PLEKHA7: variants seen among roughly 807,000 people sequenced by gnomAD.
PLEKHA7 encodes the protein pleckstrin homology domain-containing family A member 7.
Under a neutral mutation model 170.0 loss-of-function variants are expected in PLEKHA7, and 104 were observed. The ratio of observed to expected loss-of-function variants is 0.61; its 90% CI spans 0.52 to 0.72. The LOEUF is 0.72. Ranked by LOEUF, PLEKHA7 falls within the 30% of genes least tolerant of loss-of-function variation. The pLI is 0.00. For synonymous variants in PLEKHA7, 648 were observed against 660.8 expected, an observed-to-expected ratio of 0.98 and a Z score of 0.30; for missense variants, 1,615 against 1,671.7, an observed-to-expected ratio of 0.97 and a Z score of 0.59.
At chr11:16,932,500 G>A (rs941145908) in intron 3 of PLEKHA7, among the ~76,000 whole-genome samples, 12 of 152,016 alleles carry the variant, frequency 7.9e-5, no homozygotes. Flanking sequence ...GCCCAGGCTG[G>A]TCTTGAATTC....
chr11:16,854,708 G>C (rs1472699455), intron 6 of PLEKHA7, among the ~76,000 whole-genome samples, 181 bp downstream of exon 6: 1 of 152,206 alleles, frequency 6.6e-6, no homozygotes, highest in Non-Finnish European at 1.5e-5. Flanking sequence ...CCATTGAGCA[G>C]ACAGTCCACT....
intron 3 of PLEKHA7, among the ~76,000 whole-genome samples, chr11:17,009,618 G>A (rs753057568): frequency 7.2e-6 from 1 of 138,874 alleles, no homozygotes; most frequent in South Asian, 2.5e-4. Context: ...AGTACAAAAA[G>A]TCTTCGTTTT....
At chr11:16,906,923 G>A (rs1401930249) in intron 3 of PLEKHA7, among the ~76,000 whole-genome samples, 3 of 145,192 alleles carry the variant, frequency 2.1e-5, no homozygotes, top group Admixed American at 1.4e-4. Flanking sequence ...TGTGGGGAGC[G>A]CCTCTGCCCT....
At chr11:16,996,764 G>A (rs966254124) in intron 3 of PLEKHA7, among the ~76,000 whole-genome samples, 17 of 152,066 alleles carry the variant, frequency 1.1e-4, no homozygotes, top group African/African-American at 3.6e-4. Flanking sequence ...GTGAAACCCC[G>A]TCTCTACTAA....
At chr11:16,952,904 T>C (rs1032693250) in intron 3 of PLEKHA7, among the ~76,000 whole-genome samples, 6 of 152,244 alleles carry the variant, frequency 3.9e-5, no homozygotes, top group African/African-American at 1.4e-4. Context: ...CAAAGCTTTT[T>C]CATGAATTAA....
At chr11:16,812,158 C>T (rs988241167) in intron 13 of PLEKHA7, among the ~76,000 whole-genome samples, 1 of 152,234 alleles carries the variant, frequency 6.6e-6, no homozygotes, top group African/African-American at 2.4e-5. Flanking sequence ...GGTAACACAG[C>T]AAGTGTTCAA....
Position 16,778,608 on chromosome 11 carries a change from GC to G in PLEKHA7, c.*389del, listed in dbSNP as rs1256236117. 1.1e-5 allele frequency: 3 copies of G among 267,458 alleles called. No homozygotes were observed. The highest frequency in any genetic ancestry group is 6.6e-5 in the African/African-American group (3 of 45,666). The allele number at this position is 267,458 out of a possible 1,614,324, so 16.6% of individuals were successfully genotyped here. A position where few individuals can be genotyped will look rare whatever the true frequency, so the allele number is the denominator to read the frequency against. ...TTGGAAGTTGGACTAGCCTCGGCTT[GC>G]CCCGCCCTTCCTGCCCCCACAACAC... On this transcript the variant is annotated 3_prime_UTR_variant, in exon 27 of 27. Coordinates refer to ENST00000531066, the MANE Select transcript of PLEKHA7 (RefSeq NM_001329630.2).
At chr11:17,008,665 G>T (rs1218503369) in intron 3 of PLEKHA7, among the ~76,000 whole-genome samples, 3 of 152,258 alleles carry the variant, frequency 2.0e-5, no homozygotes. Context: ...CCCTGGGCTG[G>T]GTGCCTAAGT....
At chr11:17,009,325 A>C (rs555574517) in intron 3 of PLEKHA7, among the ~76,000 whole-genome samples, 1 of 152,276 alleles carries the variant, frequency 6.6e-6, no homozygotes, top group Middle Eastern at 3.4e-3. Flanking sequence ...ATAAGAAAAG[A>C]CACAAGAAAA....
chr11:16,846,090 GC>G (rs1852383475), intron 8 of PLEKHA7, among the ~76,000 whole-genome samples: 1 of 152,068 alleles, frequency 6.6e-6, no homozygotes, highest in African/African-American at 2.4e-5. Flanking sequence ...TTTGAGACAA[GC>G]CTGGCCAACA....
chr11:16,964,255 A>G (rs1862236798), intron 3 of PLEKHA7, among the ~76,000 whole-genome samples: 1 of 152,222 alleles, frequency 6.6e-6, no homozygotes, highest in Admixed American at 6.5e-5. Context: ...GTTGGCTACC[A>G]TGAATAATGC....
intron 3 of PLEKHA7, among the ~76,000 whole-genome samples, chr11:16,950,953 A>G (rs908950190): frequency 3.3e-5 from 5 of 152,204 alleles, no homozygotes; most frequent in African/African-American, 1.2e-4. Context: ...TGCACTGTGT[A>G]GAAAGCATCC....
At chr11:16,784,785 A>T (rs1025937823) in intron 24 of PLEKHA7, among the ~76,000 whole-genome samples, 2 of 152,242 alleles carry the variant, frequency 1.3e-5, no homozygotes, top group African/African-American at 4.8e-5. Flanking sequence ...ATGGCAAGAA[A>T]TAAGCTCTTC....
chr11:16,839,101 CA>C (rs1159970356), intron 9 of PLEKHA7, among the ~76,000 whole-genome samples: 2 of 152,008 alleles, frequency 1.3e-5, no homozygotes, highest in African/African-American at 4.8e-5. Flanking sequence ...AAGGTTAATA[CA>C]AAAATTTTAA....
chr11:17,010,882 GAGAACAATTACTCCCAAA>G (rs750980335), intron 3 of PLEKHA7, among the ~76,000 whole-genome samples: 69 of 152,280 alleles, frequency 4.5e-4, no homozygotes, highest in Non-Finnish European at 7.6e-4. Context: ...GGATGAGGGA[GAGAACAATTACTCCCAAA>G]ACCCTTAAGT....
chr11:16,941,286 T>C (rs764584099), intron 3 of PLEKHA7, among the ~76,000 whole-genome samples: 1 of 152,216 alleles, frequency 6.6e-6, no homozygotes, highest in Non-Finnish European at 1.5e-5. Flanking sequence ...ATAATATCCC[T>C]GCTGACTGGT....
intron 9 of PLEKHA7, among the ~76,000 whole-genome samples, chr11:16,840,503 T>C (rs1851865921): frequency 6.6e-6 from 1 of 152,128 alleles, no homozygotes; most frequent in Non-Finnish European, 1.5e-5. Flanking sequence ...GAGGTTGCAG[T>C]GAGCCAAGAT....
intron 3 of PLEKHA7, among the ~76,000 whole-genome samples, chr11:17,008,930 T>C (rs1216561838): frequency 1.3e-5 from 2 of 152,232 alleles, no homozygotes; most frequent in Non-Finnish European, 2.9e-5. Flanking sequence ...TGCCAAATTG[T>C]ATTTACTAAT....
chr11:16,912,914 G>A (rs1210523849), intron 3 of PLEKHA7, among the ~76,000 whole-genome samples: 1 of 152,176 alleles, frequency 6.6e-6, no homozygotes, highest in Non-Finnish European at 1.5e-5. Context: ...GGACACAAGG[G>A]GCCTCTTGCT....
Sources: allele counts gnomAD v4.1 joint callset (sites outside exome capture counted in the v4.1 genomes callset), GRCh38; gene constraint gnomAD v4.1.1; transcripts MANE v1.5; gene names NCBI Gene and HGNC (gene_info 2026-07-23, HGNC 2026-07-21).